SLC44A5: variants seen among roughly 807,000 people sequenced by gnomAD.
The protein encoded by SLC44A5 is choline transporter-like protein 5.
SLC44A5 carries 57 observed loss-of-function variants against 101.8 expected under a neutral mutation model. The observed-to-expected ratio is 0.56, with a 90% CI of 0.45 to 0.70. SLC44A5 has a LOEUF of 0.70. Ranked by LOEUF, SLC44A5 falls within the 30% of genes least tolerant of loss-of-function variation. The probability of loss-of-function intolerance (pLI) is 0.00; values close to 1 mark genes in which losing one functional copy is unlikely to be tolerated. For missense variants in SLC44A5, 737 were observed against 853.1 expected (o/e 0.86, Z 1.70); for synonymous variants, 281 against 290.9 (o/e 0.97, Z 0.35).
chr1:75,437,129 T>C (rs1235411258), intron 2 of SLC44A5, among the ~76,000 whole-genome samples: 1 of 152,184 alleles, frequency 6.6e-6, no homozygotes, highest in Non-Finnish European at 1.5e-5. Context: ...CACTCTAAAA[T>C]AATAATGAAA....
chr1:75,351,360 C>T (rs906809332), intron 3 of SLC44A5, among the ~76,000 whole-genome samples: 2 of 151,766 alleles, frequency 1.3e-5, no homozygotes, highest in Non-Finnish European at 2.9e-5. Context: ...CGATGGATAT[C>T]TATAAAGAAA....
chr1:75,589,139 C>T (rs1178825980), intron 1 of SLC44A5, among the ~76,000 whole-genome samples: 1 of 152,136 alleles, frequency 6.6e-6, no homozygotes, highest in Non-Finnish European at 1.5e-5. Context: ...TAATTCTAGA[C>T]AATAAAAGAA....
At chr1:75,541,855 C>T (rs1671369281) in intron 1 of SLC44A5, among the ~76,000 whole-genome samples, 1 of 152,150 alleles carries the variant, frequency 6.6e-6, no homozygotes, top group Admixed American at 6.6e-5. Flanking sequence ...CTTCCATCCT[C>T]ATGCACCATT....
chr1:75,609,056 T>G (rs943131000), intron 1 of SLC44A5, among the ~76,000 whole-genome samples: 1 of 152,048 alleles, frequency 6.6e-6, no homozygotes, highest in Non-Finnish European at 1.5e-5. Context: ...GCCCAGTACA[T>G]AGTAAGCGAT....
rs191546256 is a variant in SLC44A5 at position 75,270,081 on chromosome 1, C to T, written c.260+4877G>A. 2.0e-3 allele frequency among the ~76,000 whole-genome samples: 298 copies of T among 152,250 alleles called. 1 individual carries two copies. Among genetic ancestry groups the T allele is most frequent in the African/African-American group, 6.7e-3 (278 of 41,552 alleles). On this transcript the variant is annotated intron_variant, in intron 6 of 23. Coordinates refer to ENST00000370859, the MANE Select transcript of SLC44A5 (RefSeq NM_001130058.2). ...CATGATTGTGAGGCCTCCCCAACCA[C>T]GTGGAACTGTGAGTCCATTAAGCCC... is the stretch of plus-strand genomic sequence containing the variant.
chr1:75,562,178 C>T (rs1436790307), intron 1 of SLC44A5, among the ~76,000 whole-genome samples: 1 of 151,906 alleles, frequency 6.6e-6, no homozygotes, highest in Non-Finnish European at 1.5e-5. Context: ...TGATGAACTC[C>T]TTCTTGGAGG....
intron 2 of SLC44A5, among the ~76,000 whole-genome samples, chr1:75,409,224 C>T (rs1249790): frequency 0.26 from 38,971 of 152,004 alleles, 5,354 homozygotes; most frequent in African/African-American, 0.35. Flanking sequence ...GGGTCCTGTG[C>T]TCACTACAGG....
intron 5 of SLC44A5, among the ~76,000 whole-genome samples, chr1:75,275,805 A>G (rs1475475970): frequency 6.6e-6 from 1 of 152,128 alleles, no homozygotes; most frequent in African/African-American, 2.4e-5. Flanking sequence ...TTTTAGCTGA[A>G]TATTTCTAAC....
chr1:75,624,854 G>A, the SLC44A5 span, among the ~76,000 whole-genome samples: 1 of 151,982 alleles, frequency 6.6e-6, no homozygotes, highest in Admixed American at 6.6e-5. Context: ...TGTGACTTAT[G>A]GCAAGTATAT....
intron 23 of SLC44A5, among the ~76,000 whole-genome samples, chr1:75,209,425 C>T (rs1003611745): frequency 2.6e-5 from 4 of 152,176 alleles, no homozygotes; most frequent in South Asian, 2.1e-4. Flanking sequence ...TAGAGCCCTG[C>T]GTCCACCATG....
chr1:75,501,822 G>A (rs1455921229), intron 2 of SLC44A5, among the ~76,000 whole-genome samples: 16 of 152,196 alleles, frequency 1.1e-4, no homozygotes, highest in Admixed American at 1.0e-3. Context: ...AGAAATGACA[G>A]ATGCCAATGA....
At chr1:75,358,422 A>T (rs940400721) in intron 3 of SLC44A5, among the ~76,000 whole-genome samples, 2 of 152,152 alleles carry the variant, frequency 1.3e-5, no homozygotes, top group Non-Finnish European at 2.9e-5. Context: ...ATTATTTTTT[A>T]AAACTTTTTT....
chr1:75,274,099 G>A (rs1039286886), intron 6 of SLC44A5, among the ~76,000 whole-genome samples: 2 of 151,964 alleles, frequency 1.3e-5, no homozygotes, highest in African/African-American at 2.4e-5. Context: ...CAAGTGGGCA[G>A]CATAGACAAC....
At chr1:75,460,765 T>C (rs866617696) in intron 2 of SLC44A5, among the ~76,000 whole-genome samples, 10 of 152,180 alleles carry the variant, frequency 6.6e-5, no homozygotes, top group South Asian at 4.1e-4. Context: ...ATATTCTCAA[T>C]AGGAATAATC....
chr1:75,641,861 A>C, the SLC44A5 span: 8 of 1,519,056 alleles, frequency 5.3e-6, no homozygotes, highest in East Asian at 1.8e-4. Flanking sequence ...TTCAAATACC[A>C]CTACTGTGAT....
At chr1:75,665,603 C>T in the SLC44A5 span, among the ~76,000 whole-genome samples, 1 of 151,994 alleles carries the variant, frequency 6.6e-6, no homozygotes, top group Non-Finnish European at 1.5e-5. Flanking sequence ...AGTTGAAAAG[C>T]AGAGCCTAAT....
At chr1:75,358,315 A>G (rs1659231765) in intron 3 of SLC44A5, among the ~76,000 whole-genome samples, 1 of 152,172 alleles carries the variant, frequency 6.6e-6, no homozygotes, top group African/African-American at 2.4e-5. Flanking sequence ...TGTGCATGCC[A>G]TATTTGGTAT....
At chr1:75,635,735 C>T in the SLC44A5 span, among the ~76,000 whole-genome samples, 1 of 151,192 alleles carries the variant, frequency 6.6e-6, no homozygotes, top group Non-Finnish European at 1.5e-5. Context: ...TGCATCACAC[C>T]AGCATGGCAC....
At chr1:75,288,056 T>C (rs1653216504) in intron 5 of SLC44A5, among the ~76,000 whole-genome samples, 1 of 152,144 alleles carries the variant, frequency 6.6e-6, no homozygotes, top group South Asian at 2.1e-4. Flanking sequence ...GGTTGTGTCC[T>C]TTGTCTTCAA....
Sources: allele counts gnomAD v4.1 joint callset (sites outside exome capture counted in the v4.1 genomes callset), GRCh38; gene constraint gnomAD v4.1.1; transcripts MANE v1.5; gene names NCBI Gene and HGNC (gene_info 2026-07-23, HGNC 2026-07-21).